Variants in EEIG1 observed in about 807,000 individuals in gnomAD.
EEIG1 encodes the protein estrogen-induced osteoclastogenesis regulator 1.
the EEIG1 span, among the ~76,000 whole-genome samples, chr9:127,951,626 G>A: frequency 1.2e-4 from 18 of 151,858 alleles, no homozygotes; most frequent in South Asian, 3.5e-3. Flanking sequence ...CCATCCTGGC[G>A]AACACGGTGA....
chr9:127,950,092 G>T, the EEIG1 span, among the ~76,000 whole-genome samples: 11 of 152,204 alleles, frequency 7.2e-5, no homozygotes, highest in African/African-American at 2.7e-4. Context: ...ACTAATCAAA[G>T]ATACCACAGC....
At chr9:127,955,834 C>T in the EEIG1 span, among the ~76,000 whole-genome samples, 2 of 152,246 alleles carry the variant, frequency 1.3e-5, no homozygotes. Flanking sequence ...TGTGCTCCTG[C>T]CAAGGCGGTG....
the EEIG1 span, chr9:127,980,150 T>A: frequency 3.7e-6 from 6 of 1,609,734 alleles, no homozygotes; most frequent in South Asian, 2.2e-5. Flanking sequence ...GCGAGTTCCC[T>A]GAGTCTGAAG....
At chr9:127,949,325 A>AG in the EEIG1 span, among the ~76,000 whole-genome samples, 1 of 150,954 alleles carries the variant, frequency 6.6e-6, no homozygotes, top group African/African-American at 2.4e-5. Context: ...AAAAAAAAAA[A>AG]AAAAAAAGAA....
the EEIG1 span, among the ~76,000 whole-genome samples, chr9:127,958,381 T>A: frequency 6.6e-6 from 1 of 152,152 alleles, no homozygotes; most frequent in Non-Finnish European, 1.5e-5. Flanking sequence ...TTAAAAACTT[T>A]TAGTGGGGCA....
At chr9:127,944,828 C>T in the EEIG1 span, 1 of 1,612,314 alleles carries the variant, frequency 6.2e-7, no homozygotes, top group Non-Finnish European at 8.5e-7. Context: ...ATCTTCTCCA[C>T]GATGGCATCC....
chr9:127,943,299 G>A, the EEIG1 span: 3 of 1,518,178 alleles, frequency 2.0e-6, no homozygotes, highest in East Asian at 4.5e-5. Context: ...GCGCTCCACT[G>A]GACCAGGCCT....
the EEIG1 span, among the ~76,000 whole-genome samples, chr9:127,952,141 G>A: frequency 1.1e-4 from 16 of 152,236 alleles, no homozygotes; most frequent in East Asian, 5.8e-4. Flanking sequence ...GTCCTCACCC[G>A]TGTGAATCAG....
At chr9:127,979,149 C>T in the EEIG1 span, among the ~76,000 whole-genome samples, 5 of 152,212 alleles carry the variant, frequency 3.3e-5, no homozygotes, top group South Asian at 2.1e-4. Context: ...CAGCATCCAG[C>T]CTGCCCTAAG....
chr9:127,965,152 A>C, the EEIG1 span, among the ~76,000 whole-genome samples: 2 of 144,726 alleles, frequency 1.4e-5, no homozygotes, highest in East Asian at 4.0e-4. Flanking sequence ...AAAACCAAAA[A>C]CCAAAAAACA....
chr9:127,964,796 T>C, the EEIG1 span, among the ~76,000 whole-genome samples: 1 of 151,672 alleles, frequency 6.6e-6, no homozygotes, highest in Non-Finnish European at 1.5e-5. Context: ...AGGACAGGGG[T>C]TCTCAGATAA....
the EEIG1 span, chr9:127,950,400 A>T: frequency 6.2e-7 from 1 of 1,612,044 alleles, no homozygotes; most frequent in Non-Finnish European, 8.5e-7. Context: ...TCAGGGTGGC[A>T]GAGGTGGCAG....
At chr9:127,973,257 A>G in the EEIG1 span, among the ~76,000 whole-genome samples, 1 of 152,158 alleles carries the variant, frequency 6.6e-6, no homozygotes, top group Non-Finnish European at 1.5e-5. The surrounding 1 kb of genome is among the most constrained non-coding windows in gnomAD (Gnocchi z 4.2). Flanking sequence ...CAGACATGCC[A>G]GCAGCCATCC....
the EEIG1 span, chr9:127,950,738 C>A: frequency 7.2e-7 from 1 of 1,390,048 alleles, no homozygotes; most frequent in South Asian, 1.5e-5. Flanking sequence ...CATGGCAAAG[C>A]CAGGAACTCA....
At chr9:127,979,949 T>C in the EEIG1 span, 1 of 1,588,100 alleles carries the variant, frequency 6.3e-7, no homozygotes, top group Non-Finnish European at 8.6e-7. Flanking sequence ...TAGGTCTCGC[T>C]CATCACCCCC....
chr9:127,980,183 A>G, the EEIG1 span: 1 of 1,586,012 alleles, frequency 6.3e-7, no homozygotes, highest in Admixed American at 1.7e-5. Context: ...AAAAAGGTGG[A>G]GAGGGACGGG....
the EEIG1 span, among the ~76,000 whole-genome samples, chr9:127,964,130 C>T: frequency 6.6e-6 from 1 of 152,292 alleles, no homozygotes; most frequent in South Asian, 2.1e-4. Flanking sequence ...CGAGGAGAGG[C>T]CACCAAGTGA....
At chr9:127,947,973 T>C in the EEIG1 span, 3 of 1,364,822 alleles carry the variant, frequency 2.2e-6, no homozygotes, top group Non-Finnish European at 2.0e-6. Context: ...ACCATCACTC[T>C]CCCCTCAGTC....
chr9:127,952,967 TCA>T, the EEIG1 span, among the ~76,000 whole-genome samples: 1 of 152,308 alleles, frequency 6.6e-6, no homozygotes, highest in Non-Finnish European at 1.5e-5. Flanking sequence ...TTCGCTTGCC[TCA>T]GTCTCCCAAA....
Sources: gnomAD v4.1 joint callset for allele counts (sites outside exome capture counted in the v4.1 genomes callset) on GRCh38, gnomAD v4.1.1 for gene constraint, Gnocchi (gnomAD v3.1) non-coding constraint, MANE v1.5 for transcripts, NCBI Gene and HGNC (gene_info 2026-07-23, HGNC 2026-07-21) for gene names.